THRB: variants seen among roughly 807,000 people sequenced by gnomAD.
THRB encodes the protein thyroid hormone receptor beta, also known as nuclear receptor subfamily 1 group A member 2.
THRB carries 12 observed loss-of-function variants against 47.8 expected under a neutral mutation model. The ratio of observed to expected loss-of-function variants is 0.25; its 90% CI spans 0.16 to 0.41. The LOEUF (loss-of-function observed/expected upper bound fraction) is 0.41, where lower values mean the gene tolerates loss of function less well. Among genes scored for constraint, THRB ranks in the 10% least tolerant of loss-of-function variants. THRB has a pLI of 1.00. For synonymous variants in THRB, 218 were observed against 212.2 expected (o/e 1.03, Z -0.24); for missense variants, 348 against 589.2 (o/e 0.59, Z 4.24).
At chr3:24,329,818 T>G (rs2061803630) in intron 2 of THRB, among the ~76,000 whole-genome samples, 1 of 152,216 alleles carries the variant, frequency 6.6e-6, no homozygotes, top group Non-Finnish European at 1.5e-5. Context: ...TCTCAAAGTG[T>G]AGTCTCTGAA....
intron 2 of THRB, among the ~76,000 whole-genome samples, chr3:24,299,800 T>TTTTTTTTTTC (rs2056799682): frequency 7.5e-6 from 1 of 132,706 alleles, no homozygotes; most frequent in Non-Finnish European, 1.6e-5. Flanking sequence ...TTTTTTTTTT[T>TTTTTTTTTTC]TTAGCAAACA....
At chr3:24,388,717 C>A (rs931176231) in intron 1 of THRB, among the ~76,000 whole-genome samples, 1 of 152,124 alleles carries the variant, frequency 6.6e-6, no homozygotes, top group Admixed American at 6.6e-5. Flanking sequence ...TATTTCCTTA[C>A]CTGCCCAACC....
At chr3:24,147,898 G>A (rs544077634) in intron 6 of THRB, among the ~76,000 whole-genome samples, 1 of 152,098 alleles carries the variant, frequency 6.6e-6, no homozygotes, top group Non-Finnish European at 1.5e-5. Context: ...CTTCAGGTAG[G>A]ATGGAAACCA....
intron 1 of THRB, among the ~76,000 whole-genome samples, chr3:24,366,735 C>T (rs1013489544): frequency 6.6e-6 from 1 of 151,622 alleles, no homozygotes; most frequent in Non-Finnish European, 1.5e-5. Context: ...ATTCTCCTGC[C>T]TCAGCCTCCC....
chr3:24,171,961 T>G (rs1057427945), intron 5 of THRB, among the ~76,000 whole-genome samples: 2 of 152,136 alleles, frequency 1.3e-5, no homozygotes, highest in African/African-American at 4.8e-5. Flanking sequence ...TCCCAAGAGA[T>G]GATCTAAAGA....
At chr3:24,402,825 T>C (rs893864192) in intron 1 of THRB, among the ~76,000 whole-genome samples, 3 of 152,022 alleles carry the variant, frequency 2.0e-5, no homozygotes, top group African/African-American at 7.2e-5. Context: ...ATGAAGTATT[T>C]GATACGCACT....
At chr3:24,203,968 C>T (rs915439663) in intron 4 of THRB, among the ~76,000 whole-genome samples, 10 of 152,244 alleles carry the variant, frequency 6.6e-5, no homozygotes, top group East Asian at 3.9e-4. Context: ...GAGGGGCACC[C>T]GCCATTGCTG....
intron 3 of THRB, among the ~76,000 whole-genome samples, chr3:24,244,805 C>G (rs1394161653): frequency 6.6e-6 from 1 of 152,156 alleles, no homozygotes; most frequent in Non-Finnish European, 1.5e-5. Context: ...TTATGGTAAT[C>G]TAATAACATA....
chr3:24,143,451 T>C (rs1279742356), intron 8 of THRB, 50 bp downstream of exon 8: 1 of 1,560,006 alleles, frequency 6.4e-7, no homozygotes, highest in East Asian at 2.2e-5. Flanking sequence ...TAAATTGAGG[T>C]AGAAAACACT....
At chr3:24,161,047 C>A (rs889507167) in intron 5 of THRB, among the ~76,000 whole-genome samples, 2 of 152,248 alleles carry the variant, frequency 1.3e-5, no homozygotes, top group African/African-American at 4.8e-5. Flanking sequence ...AAGGAAAGAG[C>A]TCACGCTTTT....
At chr3:24,293,647 G>A (rs1019587680) in intron 3 of THRB, among the ~76,000 whole-genome samples, 1 of 152,294 alleles carries the variant, frequency 6.6e-6, no homozygotes, top group East Asian at 1.9e-4. Context: ...AATGAGGCCA[G>A]ATGAATTCAG....
rs2068833833 is a variant in THRB at position 24,417,240 on chromosome 3, TTG to T, written c.-261+77410_-261+77411del. Among the ~76,000 whole-genome samples the T allele has an allele frequency of 3.3e-5, 5 of 151,802 alleles. No individual in the cohort carries two copies. In the South Asian group the frequency reaches 1.0e-3, roughly 31 times the overall value. On this transcript the variant is annotated intron_variant, in intron 1 of 10. Coordinates refer to ENST00000646209, the MANE Select transcript of THRB (RefSeq NM_001354712.2). ...GAGTGAATTCATTAAATACATATAATTGTGTATTTATGCAAGTAGGCTTGAGA... is the reference window on the plus strand; with the variant it reads ...GAGTGAATTCATTAAATACATATAATTGTATTTATGCAAGTAGGCTTGAGA...
chr3:24,241,300 G>C (rs1199194522), intron 3 of THRB, among the ~76,000 whole-genome samples: 2 of 152,146 alleles, frequency 1.3e-5, no homozygotes, highest in African/African-American at 4.8e-5. Context: ...CCGTCTCCAG[G>C]CCTGGGCCCA....
chr3:24,126,779 G>A (rs1028778258), intron 10 of THRB, among the ~76,000 whole-genome samples: 3 of 152,216 alleles, frequency 2.0e-5, no homozygotes, highest in African/African-American at 7.2e-5. Context: ...ATCTACAGGG[G>A]GACCGTTGAG....
chr3:24,334,496 A>T (rs1222705040), intron 2 of THRB, among the ~76,000 whole-genome samples: 1 of 152,254 alleles, frequency 6.6e-6, no homozygotes, highest in Non-Finnish European at 1.5e-5. Flanking sequence ...TTACTGAACA[A>T]CATAAAATCC....
At chr3:24,463,029 T>C (rs572699600) in intron 1 of THRB, among the ~76,000 whole-genome samples, 2 of 152,212 alleles carry the variant, frequency 1.3e-5, no homozygotes, top group South Asian at 2.1e-4. Flanking sequence ...GGGAAACTCA[T>C]TCCACAGTAT....
At chr3:24,308,336 T>G (rs1421965374) in intron 2 of THRB, among the ~76,000 whole-genome samples, 1 of 152,202 alleles carries the variant, frequency 6.6e-6, no homozygotes. Flanking sequence ...TGGAATTCTA[T>G]GAAAGAATTA....
intron 3 of THRB, among the ~76,000 whole-genome samples, chr3:24,249,115 A>C (rs1006163650): frequency 2.0e-5 from 3 of 152,300 alleles, no homozygotes; most frequent in African/African-American, 7.2e-5. Flanking sequence ...AGTGTGAGAA[A>C]TTATTATTTC....
chr3:24,388,638 G>A (rs1465466331), intron 1 of THRB, among the ~76,000 whole-genome samples: 1 of 152,108 alleles, frequency 6.6e-6, no homozygotes, highest in African/African-American at 2.4e-5. Flanking sequence ...TGTAGTTGAG[G>A]GATAGTGTTC....
Sources: allele counts gnomAD v4.1 joint callset (sites outside exome capture counted in the v4.1 genomes callset), GRCh38; gene constraint gnomAD v4.1.1; transcripts MANE v1.5; gene names NCBI Gene and HGNC (gene_info 2026-07-23, HGNC 2026-07-21).